Variants in SNCB observed in about 807,000 individuals in gnomAD.
SNCB encodes beta-synuclein.
Under a neutral mutation model 20.0 loss-of-function variants are expected in SNCB, and 8 were observed. That is an observed-to-expected ratio of 0.40 (90% confidence interval 0.24 to 0.72). The LOEUF is 0.72. Among genes scored for constraint, SNCB ranks in the 30% least tolerant of loss-of-function variants. The pLI, the probability that SNCB is intolerant of heterozygous loss-of-function variation, is 0.37. For missense variants in SNCB, 125 were observed against 168.0 expected (o/e 0.74, Z 1.41); for synonymous variants, 56 against 65.4 (o/e 0.86, Z 0.69).
chr5:176,628,647 GC>G (rs1403165700), intron 2 of SNCB, among the ~76,000 whole-genome samples: 1 of 152,000 alleles, frequency 6.6e-6, no homozygotes, highest in Non-Finnish European at 1.5e-5. Flanking sequence ...CTGCAGCCCT[GC>G]CCCCCTCTTA....
chr5:176,628,668 G>T (rs1053614900), intron 2 of SNCB, among the ~76,000 whole-genome samples: 2 of 152,112 alleles, frequency 1.3e-5, no homozygotes, highest in African/African-American at 4.8e-5. Flanking sequence ...ATTACTCAGG[G>T]ATGAGGCATT....
chr5:176,629,651 C>T lies in SNCB; in HGVS notation c.4G>A (p.Asp2Asn), dbSNP rs1378317266. The T allele has an allele frequency of 6.2e-7, 1 of 1,613,628 alleles. No homozygotes were observed. The highest frequency in any genetic ancestry group is 8.5e-7 in the Non-Finnish European group (1 of 1,179,752). ...ATGGACAGGCCCTTCATGAACACGT[C>T]CATCCTGGCGGCCTGGGGAGGGCGA... is the stretch of plus-strand genomic sequence containing the variant. MDVFMKGLSMAK... is the reference protein window; with the variant it reads MNVFMKGLSMAK... Residue 2 changes from aspartate to asparagine, a missense_variant, in exon 2 of 6, where the codon GAC becomes AAC. Transcript: ENST00000393693. This position sits in a 1 kb window ranked among gnomAD's most constrained non-coding sequence, Gnocchi z 4.1.
rs5873543 is a variant in SNCB at position 176,626,335 on chromosome 5, GGTGTGTGTGT to G, written c.282+53_282+62del. 28 of 864,104 alleles carry G rather than the reference GGTGTGTGTGT, an allele frequency of 3.2e-5. No individual in the cohort carries two copies. The highest frequency in any genetic ancestry group is 4.5e-5 in the Non-Finnish European group (23 of 508,122). 53.5% of individuals were successfully genotyped at this position (864,104 alleles called of 1,614,324 possible). ...TGGTGACAGGTTTATTTGTGTGCCT[GGTGTGTGTGT>G]GTGTGTGTGTGTGTGTGTTTGCCTG... On this transcript the variant is annotated intron_variant, in intron 4 of 5. Transcript: ENST00000393693. This position sits in a 1 kb window ranked among gnomAD's most constrained non-coding sequence, Gnocchi z 4.2.
At position 176,626,798 on chromosome 5, in the gene SNCB, C is replaced by T. The variant is rs369488999; in HGVS notation, c.122-37G>A. On this transcript the variant is annotated intron_variant, in intron 2 of 5. Coordinates refer to ENST00000393693, the MANE Select transcript of SNCB (RefSeq NM_003085.5). The surrounding 1 kb of genome is among the most constrained non-coding windows in gnomAD (Gnocchi z 4.2). ...AAAAGCGGCACATTTAAGGACTCTGCGCTGAGGGAACAGAAACTCCAGCAC... is the reference window on the plus strand; with the variant it reads ...AAAAGCGGCACATTTAAGGACTCTGTGCTGAGGGAACAGAAACTCCAGCAC... 6.6e-5 allele frequency: 107 copies of T among 1,610,730 alleles called. No homozygotes were observed. The African/African-American group carries it at 1.2e-3, about 18-fold the overall frequency.
Position 176,626,342 on chromosome 5 carries a change from GT to G in SNCB, c.282+55del. ...AGGTTTATTTGTGTGCCTGGTGTGT[GT>G]GTGTGTGTGTGTGTGTGTGTTTGCC... is the stretch of plus-strand genomic sequence containing the variant. On this transcript the variant is annotated intron_variant, in intron 4 of 5. Transcript: ENST00000393693. The surrounding 1 kb of genome is among the most constrained non-coding windows in gnomAD (Gnocchi z 4.2). 1 of 871,560 alleles carries G rather than the reference GT, an allele frequency of 1.1e-6. No individual in the cohort carries two copies. Among genetic ancestry groups the G allele is most frequent in the Non-Finnish European group, 1.8e-6 (1 of 541,142 alleles). The allele number at this position is 871,560 out of a possible 1,614,324, so 54.0% of individuals were successfully genotyped here.
At position 176,620,814 on chromosome 5, in the gene SNCB, C is replaced by T. The variant is rs528785110; in HGVS notation, c.402G>A (p.Ala134=). ...QEEYQEYEPE[A] Reference sequence around the variant, plus strand: ...TGGTGGGGGCTCTCCTGGGCCCCTACGCCTCTGGCTCATACTCCTGATATT... The same window carrying T: ...TGGTGGGGGCTCTCCTGGGCCCCTATGCCTCTGGCTCATACTCCTGATATT... The change falls in exon 6 of 6, where the codon GCG becomes GCA. Residue 134 remains alanine (A), a synonymous_variant. Transcript: ENST00000393693. The surrounding 1 kb of genome is among the most constrained non-coding windows in gnomAD (Gnocchi z 4.5). 1.9e-6 allele frequency: 3 copies of T among 1,613,554 alleles called. No homozygotes were observed. Among genetic ancestry groups the T allele is most frequent in the Non-Finnish European group, 2.5e-6 (3 of 1,179,532 alleles).
rs939827236 is a variant in SNCB at position 176,630,439 on chromosome 5, G to C, written c.-169C>G. ...CCTGAGCAGGAGCGCAGCAGTGCCC[G>C]GGTCTCGGGTGCGTAGCCAGCCACC... On this transcript the variant is annotated 5_prime_UTR_variant, in exon 1 of 6. Coordinates refer to ENST00000393693, the MANE Select transcript of SNCB (RefSeq NM_003085.5). 5.2e-5 allele frequency: 8 copies of C among 152,558 alleles called. No homozygotes were observed. The highest frequency in any genetic ancestry group is 7.3e-5 in the Non-Finnish European group (5 of 68,210). The allele number at this position is 152,558 out of a possible 1,614,324, so 9.5% of individuals were successfully genotyped here. A position where few individuals can be genotyped will look rare whatever the true frequency, so the allele number is the denominator to read the frequency against.
At position 176,626,568 on chromosome 5, in the gene SNCB, C is replaced by G. The variant is rs773733779; in HGVS notation, c.164-52G>C. On this transcript the variant is annotated intron_variant, in intron 3 of 5. Transcript: ENST00000393693. This position sits in a 1 kb window ranked among gnomAD's most constrained non-coding sequence, Gnocchi z 4.2. ...GGGTTTGGGAGCCAGGGGGAAACAC[C>G]GATGCCCTGCCTTGTAGTATCCCAG... is the stretch of plus-strand genomic sequence containing the variant. 6.5e-6 allele frequency: 10 copies of G among 1,528,248 alleles called. No homozygotes were observed. Among genetic ancestry groups the G allele is most frequent in the South Asian group, 2.2e-5 (2 of 89,372 alleles). 94.7% of individuals were successfully genotyped at this position (1,528,248 alleles called of 1,614,324 possible).
Position 176,620,501 on chromosome 5 carries a change from T to A in SNCB, c.*310A>T. The A allele has an allele frequency of 2.5e-6, 1 of 407,316 alleles. No homozygotes were observed. Among genetic ancestry groups the A allele is most frequent in the Non-Finnish European group, 4.4e-6 (1 of 226,628 alleles). The allele number at this position is 407,316 out of a possible 1,614,324, so 25.2% of individuals were successfully genotyped here. On this transcript the variant is annotated 3_prime_UTR_variant, in exon 6 of 6. Transcript: ENST00000393693. This position sits in a 1 kb window ranked among gnomAD's most constrained non-coding sequence, Gnocchi z 4.5. ...TCGGGGATCGGGGAGGAGCCGTCGCTCGGATCTTCGTTTAAAAACACATAG... is the reference window on the plus strand; with the variant it reads ...TCGGGGATCGGGGAGGAGCCGTCGCACGGATCTTCGTTTAAAAACACATAG...
rs1165381371 is a variant in SNCB at position 176,620,652 on chromosome 5, C to T, written c.*159G>A. On this transcript the variant is annotated 3_prime_UTR_variant, in exon 6 of 6. Coordinates refer to ENST00000393693, the MANE Select transcript of SNCB (RefSeq NM_003085.5). This position sits in a 1 kb window ranked among gnomAD's most constrained non-coding sequence, Gnocchi z 4.5. Reference sequence around the variant, plus strand: ...GTTGGACGCGGGCGGGTAGGACAGACAGATGGACAGACACTAACACAGGCT... The same window carrying T: ...GTTGGACGCGGGCGGGTAGGACAGATAGATGGACAGACACTAACACAGGCT... The T allele has an allele frequency of 1.7e-5, 12 of 693,502 alleles. No homozygotes were observed. Among genetic ancestry groups the T allele is most frequent in the Non-Finnish European group, 3.1e-5 (12 of 383,048 alleles). The allele number at this position is 693,502 out of a possible 1,614,324, so 43.0% of individuals were successfully genotyped here. A position where few individuals can be genotyped will look rare whatever the true frequency, so the allele number is the denominator to read the frequency against.
intron 4 of SNCB, among the ~76,000 whole-genome samples, chr5:176,622,770 T>A: frequency 7.4e-6 from 1 of 135,962 alleles, no homozygotes; most frequent in Admixed American, 8.2e-5. Context: ...ACAGTCTCAC[T>A]CTGTGGCCCA....
At chr5:176,625,472 C>G (rs183611615) in intron 4 of SNCB, among the ~76,000 whole-genome samples, 1 of 152,180 alleles carries the variant, frequency 6.6e-6, no homozygotes, top group Non-Finnish European at 1.5e-5. Context: ...TGTGTTCACT[C>G]GCATTTTACA....
In SNCB at chr5:176,621,917, G is replaced by A. The variant is rs918825749; in HGVS notation, c.283-614C>T. On this transcript the variant is annotated intron_variant, in intron 4 of 5. Transcript: ENST00000393693. The surrounding 1 kb of genome is among the most constrained non-coding windows in gnomAD (Gnocchi z 4.1). ...GACCAGCGGGCATGCATGTGGGCGG[G>A]CTGCCAGACACATGGCCAGCCACCT... Among the ~76,000 whole-genome samples the A allele has an allele frequency of 3.3e-5, 5 of 152,250 alleles. No homozygotes were observed. The highest frequency in any genetic ancestry group is 1.2e-4 in the African/African-American group (5 of 41,468).
In SNCB at chr5:176,626,242, C is replaced by T. The variant is rs1482935968; in HGVS notation, c.282+156G>A. ...GATGCATTCTGAGCTGAGTCTAGCA[C>T]GGGCCTGCAGGATGGGAGGCAAAGT... is the stretch of plus-strand genomic sequence containing the variant. On this transcript the variant is annotated intron_variant, in intron 4 of 5. Coordinates refer to ENST00000393693, the MANE Select transcript of SNCB (RefSeq NM_003085.5). The surrounding 1 kb of genome is among the most constrained non-coding windows in gnomAD (Gnocchi z 4.2). Among the ~76,000 whole-genome samples the T allele has an allele frequency of 3.9e-5, 6 of 152,008 alleles. No individual in the cohort carries two copies. Among genetic ancestry groups the T allele is most frequent in the Admixed American group, 2.6e-4 (4 of 15,256 alleles).
chr5:176,629,713 C>G lies in SNCB; in HGVS notation c.-9-50G>C. The G allele has an allele frequency of 6.3e-7, 1 of 1,583,464 alleles. No homozygotes were observed. Among genetic ancestry groups the G allele is most frequent in the Non-Finnish European group, 8.6e-7 (1 of 1,161,212 alleles). On this transcript the variant is annotated intron_variant, in intron 1 of 5. Coordinates refer to ENST00000393693, the MANE Select transcript of SNCB (RefSeq NM_003085.5). This position sits in a 1 kb window ranked among gnomAD's most constrained non-coding sequence, Gnocchi z 4.1. ...CGGTGCACTGGCCCCGCACTCTCACCCCAGCCCCTCCCGCGGGACGCAGAT... is the reference window on the plus strand; with the variant it reads ...CGGTGCACTGGCCCCGCACTCTCACGCCAGCCCCTCCCGCGGGACGCAGAT...
intron 2 of SNCB, among the ~76,000 whole-genome samples, chr5:176,627,183 A>G: frequency 6.6e-6 from 1 of 151,806 alleles, no homozygotes. Context: ...TGACCCTAAA[A>G]CTTTAGCTAC....
Position 176,620,558 on chromosome 5 carries a change from G to T in SNCB, c.*253C>A, listed in dbSNP as rs1175231696. The T allele has an allele frequency of 1.7e-6, 1 of 591,324 alleles. No individual in the cohort carries two copies. Among genetic ancestry groups the T allele is most frequent in the African/African-American group, 1.9e-5 (1 of 53,584 alleles). The allele number at this position is 591,324 out of a possible 1,614,324, so 36.6% of individuals were successfully genotyped here. The stretch of plus-strand genomic sequence containing the variant: ...CTACATCCGCGCAGACGCTGGATGG[G>T]AGGAGGCAACACTGGAGGGGCGAGG... On this transcript the variant is annotated 3_prime_UTR_variant, in exon 6 of 6. Coordinates refer to ENST00000393693, the MANE Select transcript of SNCB (RefSeq NM_003085.5). The surrounding 1 kb of genome is among the most constrained non-coding windows in gnomAD (Gnocchi z 4.5).
rs1561903259 is a variant in SNCB, at chr5:176,629,399, AC to A, written c.121+134del. The stretch of plus-strand genomic sequence containing the variant: ...CTATGGGCTGGCTATGTCCCCTATG[AC>A]CCCTGCTGACCTCGCCCCATCTGCT... On this transcript the variant is annotated intron_variant, in intron 2 of 5. Transcript: ENST00000393693. This position sits in a 1 kb window ranked among gnomAD's most constrained non-coding sequence, Gnocchi z 4.1. 2 of 927,192 alleles carry A rather than the reference AC, an allele frequency of 2.2e-6. No homozygotes were observed. Among genetic ancestry groups the A allele is most frequent in the South Asian group, 3.2e-5 (2 of 62,194 alleles). The allele number at this position is 927,192 out of a possible 1,614,324, so 57.4% of individuals were successfully genotyped here.
chr5:176,623,256 G>A (rs956970480), intron 4 of SNCB, among the ~76,000 whole-genome samples: 6 of 152,124 alleles, frequency 3.9e-5, no homozygotes, highest in African/African-American at 1.4e-4. Context: ...GCATGGTGGT[G>A]CACGCCTGTA....
Sources: gnomAD v4.1 joint callset for allele counts (sites outside exome capture counted in the v4.1 genomes callset) on GRCh38, gnomAD v4.1.1 for gene constraint, Gnocchi (gnomAD v3.1) non-coding constraint, MANE v1.5 for transcripts, NCBI Gene and HGNC (gene_info 2026-07-23, HGNC 2026-07-21) for gene names.